Variants in ERG observed in about 807,000 individuals in gnomAD.
ERG encodes the protein ETS transcription factor ERG, also known as transcriptional regulator ERG.
In ERG, 9 loss-of-function variants were observed where a neutral mutation model predicts 55.3. The ratio of observed to expected loss-of-function variants is 0.16; its 90% CI spans 0.10 to 0.28. The LOEUF is 0.28. ERG is among the 10% of genes least tolerant of loss of function. The probability of loss-of-function intolerance (pLI) is 1.00; values close to 1 mark genes in which losing one functional copy is unlikely to be tolerated. For missense variants in ERG, 434 were observed against 631.6 expected (o/e 0.69, Z 3.35); for synonymous variants, 223 against 237.3 (o/e 0.94, Z 0.55).
intron 1 of ERG, among the ~76,000 whole-genome samples, chr21:38,596,908 AC>A (rs56115234): frequency 0.16 from 24,588 of 152,068 alleles, 2,116 homozygotes; most frequent in East Asian, 0.29. Context: ...CCCACCTTCA[AC>A]TCAGTCACAT....
Position 38,381,062 on chromosome 21 carries a change from TG to T in ERG, c.*2340del, listed in dbSNP as rs1483063628. The T allele has an allele frequency of 6.3e-5, 67 of 1,064,624 alleles. No homozygotes were observed. The highest frequency in any genetic ancestry group is 7.6e-5 in the Non-Finnish European group (67 of 878,904). 65.9% of individuals were successfully genotyped at this position (1,064,624 alleles called of 1,614,324 possible). Reference sequence around the variant, plus strand: ...GCCTTCCCAGGCTGCTGCAAAATGATGGATGGTTGGGCTCCGTCTAATCCAA... The same window carrying T: ...GCCTTCCCAGGCTGCTGCAAAATGATGATGGTTGGGCTCCGTCTAATCCAA... On this transcript the variant is annotated 3_prime_UTR_variant, in exon 10 of 10. Coordinates refer to ENST00000288319, the MANE Select transcript of ERG (RefSeq NM_182918.4).
At chr21:38,617,663 C>A (rs1413125435) in intron 1 of ERG, among the ~76,000 whole-genome samples, 1 of 152,158 alleles carries the variant, frequency 6.6e-6, no homozygotes. Flanking sequence ...AGGACAAGTC[C>A]TGAACTCATT....
At position 38,549,223 on chromosome 21, in the gene ERG, A is replaced by T. The variant is rs183953062; in HGVS notation, c.-41+26439T>A. On this transcript the variant is annotated intron_variant, in intron 2 of 8. Transcript: ENST00000398897. ...GGGCACAGGTATAATGTTTTTATAA[A>T]CATCTTCCTAGATGTTTCCTGCATC... is the stretch of plus-strand genomic sequence containing the variant. Among the ~76,000 whole-genome samples, 126 of 152,298 alleles carry T rather than the reference A, an allele frequency of 8.3e-4. 3 individuals carry two copies. The East Asian group carries it at 0.021, about 26-fold the overall frequency.
intron 2 of ERG, among the ~76,000 whole-genome samples, chr21:38,522,207 A>G (rs1346131238): frequency 1.3e-5 from 2 of 152,192 alleles, no homozygotes; most frequent in South Asian, 2.1e-4. Context: ...TGTTTCATAT[A>G]TAAGTTTTGA....
intron 2 of ERG, among the ~76,000 whole-genome samples, chr21:38,534,760 C>CTT (rs1481991014): frequency 6.6e-6 from 1 of 152,092 alleles, no homozygotes; most frequent in Admixed American, 6.6e-5. Context: ...TCAAAGAGTT[C>CTT]TTTGTACAGC....
At chr21:38,628,794 CAACA>C (rs1382290638) in intron 1 of ERG, among the ~76,000 whole-genome samples, 3 of 152,194 alleles carry the variant, frequency 2.0e-5, no homozygotes, top group African/African-American at 7.2e-5. Flanking sequence ...TTGTGGTGGG[CAACA>C]AACAGACTAA....
intron 2 of ERG, among the ~76,000 whole-genome samples, chr21:38,537,645 G>C (rs1322109638): frequency 6.6e-6 from 1 of 152,114 alleles, no homozygotes; most frequent in Non-Finnish European, 1.5e-5. Context: ...CCATTAGTAT[G>C]ACTATTACCA....
At chr21:38,642,348 C>G (rs903587126) in intron 1 of ERG, among the ~76,000 whole-genome samples, 1 of 152,198 alleles carries the variant, frequency 6.6e-6, no homozygotes, top group South Asian at 2.1e-4. Context: ...CATCTGTATG[C>G]TCACGGTAAA....
Position 38,382,601 on chromosome 21 carries a change from TAC to T in ERG, c.*800_*801del. ...ACCCTCGAGTCTCCATAACTCATTG[TAC>T]ACAGTCCCCAAATGTCCTGAGTCCA... On this transcript the variant is annotated 3_prime_UTR_variant, in exon 10 of 10. Transcript: ENST00000288319. 9.4e-7 allele frequency: 1 copy of T among 1,066,288 alleles called. No homozygotes were observed. Among genetic ancestry groups the T allele is most frequent in the Non-Finnish European group, 1.1e-6 (1 of 879,606 alleles). The allele number at this position is 1,066,288 out of a possible 1,614,324, so 66.1% of individuals were successfully genotyped here.
intron 6 of ERG, among the ~76,000 whole-genome samples, chr21:38,399,238 TA>T (rs1988372977): frequency 2.0e-5 from 3 of 152,150 alleles, no homozygotes; most frequent in Admixed American, 6.5e-5. Flanking sequence ...AGCAAGACAG[TA>T]AACTTTTTCT....
At chr21:38,494,441 A>C (rs2059363708) in intron 1 of ERG, among the ~76,000 whole-genome samples, 1 of 152,174 alleles carries the variant, frequency 6.6e-6, no homozygotes, top group Non-Finnish European at 1.5e-5. Context: ...AAATCCGCCA[A>C]ATTGTTGGGA....
chr21:38,490,050 G>C (rs987054019), intron 1 of ERG, among the ~76,000 whole-genome samples: 12 of 152,294 alleles, frequency 7.9e-5, no homozygotes, highest in Non-Finnish European at 1.5e-4. Context: ...TGCAGTGTCC[G>C]GTGAACTCAC....
intron 2 of ERG, among the ~76,000 whole-genome samples, chr21:38,506,704 C>T (rs770175689): frequency 6.6e-6 from 1 of 152,126 alleles, no homozygotes; most frequent in Non-Finnish European, 1.5e-5. Flanking sequence ...TTCCTTTTCT[C>T]GCCGCTTCCA....
chr21:38,493,717 C>T (rs894240792), intron 1 of ERG, among the ~76,000 whole-genome samples: 1 of 152,176 alleles, frequency 6.6e-6, no homozygotes, highest in Non-Finnish European at 1.5e-5. Flanking sequence ...AGCACCACCT[C>T]GGGCGACCCC....
chr21:38,628,679 T>A (rs980638253), intron 1 of ERG, among the ~76,000 whole-genome samples: 3 of 152,250 alleles, frequency 2.0e-5, no homozygotes, highest in Middle Eastern at 3.4e-3. Context: ...ACACCTGCAC[T>A]CTCATGCCCC....
chr21:38,480,217 C>T (rs371177032), intron 1 of ERG, among the ~76,000 whole-genome samples: 8 of 152,212 alleles, frequency 5.3e-5, no homozygotes, highest in African/African-American at 1.7e-4. Context: ...CAATTTAAGA[C>T]GTATGATTCA....
chr21:38,629,696 A>C, intron 1 of ERG, among the ~76,000 whole-genome samples: 1 of 152,250 alleles, frequency 6.6e-6, no homozygotes, highest in Non-Finnish European at 1.5e-5. Flanking sequence ...ACAGTATGAC[A>C]GTTCTTAAAA....
chr21:38,435,187 C>G (rs1016749775), intron 2 of ERG, among the ~76,000 whole-genome samples: 3 of 152,084 alleles, frequency 2.0e-5, no homozygotes, highest in Admixed American at 2.0e-4. Flanking sequence ...ACAAATAAAT[C>G]CCTTCTCAGG....
intron 1 of ERG, among the ~76,000 whole-genome samples, chr21:38,617,356 G>C (rs2060264982): frequency 6.6e-6 from 1 of 152,186 alleles, no homozygotes; most frequent in Admixed American, 6.5e-5. Context: ...TGGACTTCCA[G>C]GAGGATCCTG....
Sources: gnomAD v4.1 joint callset for allele counts (sites outside exome capture counted in the v4.1 genomes callset) on GRCh38, gnomAD v4.1.1 for gene constraint, MANE v1.5 for transcripts, NCBI Gene and HGNC (gene_info 2026-07-23, HGNC 2026-07-21) for gene names.